ZZEF1: variants seen among roughly 807,000 people sequenced by gnomAD.
ZZEF1 encodes zinc finger ZZ-type and EF-hand domain-containing protein 1.
A neutral mutation model predicts 342.8 loss-of-function variants in ZZEF1; 157 were observed. That is an observed-to-expected ratio of 0.46 (90% CI 0.40 to 0.52). The LOEUF is 0.52. ZZEF1 is among the 20% of genes least tolerant of loss of function. ZZEF1 has a pLI of 0.00. For missense variants in ZZEF1, 3,480 were observed against 3,725.6 expected (o/e 0.93, Z 1.72); for synonymous variants, 1,505 against 1,429.1 (o/e 1.05, Z -1.20).
intron 26 of ZZEF1, 141 bp downstream of exon 26, chr17:4,070,543 A>G (rs2057487811): frequency 9.2e-7 from 1 of 1,091,620 alleles, no homozygotes. Context: ...TTAATAGGCA[A>G]AGTAGAACCA....
chr17:4,044,965 C>T (rs1028609057), intron 37 of ZZEF1, among the ~76,000 whole-genome samples: 38 of 152,022 alleles, frequency 2.5e-4, no homozygotes, highest in Admixed American at 1.6e-3. Flanking sequence ...ACCAGCATGG[C>T]CAACATGGCG....
At chr17:4,089,000 T>A in intron 12 of ZZEF1, 107 bp from the exon 13 acceptor site, 1 of 997,158 alleles carries the variant, frequency 1.0e-6, no homozygotes, top group Non-Finnish European at 1.5e-6. Context: ...TTTTCGTAAT[T>A]TATTAGGAAA....
intron 30 of ZZEF1, among the ~76,000 whole-genome samples, chr17:4,061,028 G>A (rs2057276462): frequency 1.3e-5 from 2 of 152,106 alleles, no homozygotes; most frequent in Admixed American, 6.5e-5. Flanking sequence ...AAACTTCCCC[G>A]TTTCTCTGCT....
intron 33 of ZZEF1, among the ~76,000 whole-genome samples, chr17:4,054,810 GT>G (rs2057122064): frequency 6.6e-6 from 1 of 152,342 alleles, no homozygotes; most frequent in African/African-American, 2.4e-5. Flanking sequence ...CCTGGACTCA[GT>G]GAGACTGACC....
chr17:4,043,192 C>T (rs148999340), intron 38 of ZZEF1, among the ~76,000 whole-genome samples: 1,701 of 152,320 alleles, frequency 0.011, 18 homozygotes, highest in South Asian at 0.051. Context: ...TTATTGTTTA[C>T]TGTCTGCCTT....
chr17:4,064,170 C>T (rs1022557055), intron 29 of ZZEF1, among the ~76,000 whole-genome samples, 191 bp downstream of exon 29: 3 of 151,318 alleles, frequency 2.0e-5, no homozygotes, highest in Admixed American at 6.6e-5. Context: ...CATGAATCAC[C>T]GTGCCCACCC....
At chr17:4,135,907 T>C (rs1168704073) in intron 1 of ZZEF1, among the ~76,000 whole-genome samples, 2 of 151,838 alleles carry the variant, frequency 1.3e-5, no homozygotes, top group African/African-American at 4.9e-5. Context: ...TTTTGCATCA[T>C]GACCTAGCAT....
chr17:4,067,166 C>G lies in ZZEF1; in HGVS notation c.4152G>C (p.Trp1384Cys). The stretch of plus-strand genomic sequence containing the variant: ...TCACATGCAAAGAAAATCTTACCAT[C>G]CATATTCGAATCCCATCTGCCAAGG... The part of the protein sequence containing the change: ...VYSLADGIRI[W>C]MLEMKQKSLM... Residue 1384 changes from tryptophan to cysteine, a missense_variant, in exon 27 of 55, where the codon TGG (tryptophan) becomes TGC (cysteine). Physicochemically the swap from Trp to Cys is radical, Grantham distance 215. Coordinates refer to ENST00000381638, the MANE Select transcript of ZZEF1 (RefSeq NM_015113.4). 6.2e-7 allele frequency: 1 copy of G among 1,612,370 alleles called. No homozygotes were observed. Among genetic ancestry groups the G allele is most frequent in the Non-Finnish European group, 8.5e-7 (1 of 1,179,264 alleles).
Position 4,142,522 on chromosome 17 carries a change from A to G in ZZEF1, c.354+20T>C, listed in dbSNP as rs746384370. On this transcript the variant is annotated intron_variant, in intron 1 of 54. Coordinates refer to ENST00000381638, the MANE Select transcript of ZZEF1 (RefSeq NM_015113.4). ...GGCGACCGCCCTGCCCCATCCCCGC[A>G]GTCGCCTGCCGGCCCTGACCTCCTC... 1.9e-6 allele frequency: 3 copies of G among 1,586,776 alleles called. No homozygotes were observed. The highest frequency in any genetic ancestry group is 2.3e-5 in the East Asian group (1 of 43,524).
rs138543123 is a variant in ZZEF1, at chr17:4,008,914, G to A, written c.8774C>T (p.Thr2925Met). 5.9e-5 allele frequency: 91 copies of A among 1,545,798 alleles called. No homozygotes were observed. The African/African-American group carries it at 8.2e-4, about 14-fold the overall frequency. Residue 2925 changes from threonine to methionine, a missense_variant, in exon 54 of 55, where the codon ACG becomes ATG. Thr to Met is a moderately conservative substitution (Grantham distance 81). Transcript: ENST00000381638. The surrounding 1 kb of genome is among the most constrained non-coding windows in gnomAD (Gnocchi z 4.2). ...VLQDYLLALT[T>M]DDHLLRCAAQ... ...CGCACAGCGGAGAAGGTGGTCGTCC[G>A]TGGTTAGGGCCAGCAGGTAATCCTG...
intron 30 of ZZEF1, among the ~76,000 whole-genome samples, chr17:4,062,232 G>A (rs930939908): frequency 2.0e-5 from 3 of 151,692 alleles, no homozygotes; most frequent in African/African-American, 7.3e-5. Flanking sequence ...TCCAAACTAG[G>A]TCACTGTATT....
intron 42 of ZZEF1, among the ~76,000 whole-genome samples, chr17:4,025,676 C>T (rs544692022): frequency 4.9e-5 from 6 of 122,982 alleles, no homozygotes; most frequent in South Asian, 2.4e-4. Flanking sequence ...AGTCAGACTC[C>T]GTCTCAAAAA....
At chr17:4,053,654 C>G (rs1021168807) in intron 34 of ZZEF1, among the ~76,000 whole-genome samples, 2 of 152,248 alleles carry the variant, frequency 1.3e-5, no homozygotes, top group African/African-American at 4.8e-5. Context: ...GTGTGCACTA[C>G]TGTGCATCTG....
intron 1 of ZZEF1, among the ~76,000 whole-genome samples, chr17:4,138,378 T>C (rs1031640172): frequency 7.9e-5 from 12 of 152,232 alleles, no homozygotes; most frequent in Non-Finnish European, 1.8e-4. Flanking sequence ...TTCTACAAAC[T>C]TCCTGTAAAC....
intron 26 of ZZEF1, among the ~76,000 whole-genome samples, chr17:4,069,559 C>T (rs1291070479): frequency 2.0e-5 from 3 of 152,132 alleles, no homozygotes; most frequent in African/African-American, 4.8e-5. Context: ...AGGCTGGGCG[C>T]GGTACTCACG....
intron 4 of ZZEF1, among the ~76,000 whole-genome samples, chr17:4,114,039 G>A (rs1284828037): frequency 6.6e-6 from 1 of 152,016 alleles, no homozygotes; most frequent in East Asian, 1.9e-4. Context: ...ATTCTTTGTG[G>A]TATTAATTTT....
Position 4,076,634 on chromosome 17 carries a change from T to A in ZZEF1, c.3234+3A>T, listed in dbSNP as rs753883306. The A allele has an allele frequency of 6.2e-7, 1 of 1,606,206 alleles. No individual in the cohort carries two copies. The highest frequency in any genetic ancestry group is 8.5e-7 in the Non-Finnish European group (1 of 1,175,234). On this transcript the variant is annotated splice_donor_region_variant and intron_variant, in intron 21 of 54. Coordinates refer to ENST00000381638, the MANE Select transcript of ZZEF1 (RefSeq NM_015113.4). Reference sequence around the variant, plus strand: ...GGGCGGCTCAAGTGCTGACTCGAGTTACCTTCCTCAGTCCTCCTTCGGGGC... The same window carrying A: ...GGGCGGCTCAAGTGCTGACTCGAGTAACCTTCCTCAGTCCTCCTTCGGGGC...
Position 4,102,300 on chromosome 17 carries a change from A to G in ZZEF1, c.1672+17T>C, listed in dbSNP as rs778593009. 3.1e-6 allele frequency: 5 copies of G among 1,611,002 alleles called. No homozygotes were observed. The East Asian group carries it at 1.1e-4, about 36-fold the overall frequency. On this transcript the variant is annotated intron_variant, in intron 9 of 54. Transcript: ENST00000381638. ...TGTCTACCGAGCACACTAGAAACAG[A>G]CAGACCCACCACTCACCATCCCTTG...
In ZZEF1 at chr17:4,100,044, G is replaced by A. The variant is rs183640677; in HGVS notation, c.1672+2273C>T. ...AGTGACAGTGGTGACTGCCAGGAAC[G>A]TTAGCCCCCTGAAGTATCAGCGTTT... is the stretch of plus-strand genomic sequence containing the variant. On this transcript the variant is annotated intron_variant, in intron 9 of 54. Transcript: ENST00000381638. Among the ~76,000 whole-genome samples, 5 of 152,256 alleles carry A rather than the reference G, an allele frequency of 3.3e-5. No homozygotes were observed. The East Asian group carries it at 7.7e-4, about 23-fold the overall frequency.
Sources: allele counts gnomAD v4.1 joint callset (sites outside exome capture counted in the v4.1 genomes callset), GRCh38; gene constraint gnomAD v4.1.1; non-coding constraint Gnocchi (gnomAD v3.1); transcripts MANE v1.5; gene names NCBI Gene and HGNC (gene_info 2026-07-23, HGNC 2026-07-21).